Variants in LRP2 observed in about 807,000 individuals in gnomAD.
LRP2 encodes LDL receptor related protein 2.
In LRP2, 172 loss-of-function variants were observed where a neutral mutation model predicts 531.0. That is an observed-to-expected ratio of 0.32 (90% CI 0.29 to 0.37). The LOEUF is 0.37. LRP2 is among the 10% of genes least tolerant of loss of function. LRP2 has a pLI of 1.00. For synonymous variants in LRP2, 1,992 were observed against 2,027.6 expected, an observed-to-expected ratio of 0.98 and a Z score of 0.47; for missense variants, 5,167 against 5,868.3, an observed-to-expected ratio of 0.88 and a Z score of 3.90.
At chr2:169,343,242 A>G (rs1685611927) in intron 1 of LRP2, among the ~76,000 whole-genome samples, 1 of 152,222 alleles carries the variant, frequency 6.6e-6, no homozygotes, top group Admixed American at 6.5e-5. Flanking sequence ...TGTGCCTTCA[A>G]GACCTGGGAG....
chr2:169,362,189 G>C, intron 1 of LRP2, 132 bp downstream of exon 1: 1 of 709,876 alleles, frequency 1.4e-6, no homozygotes, highest in Non-Finnish European at 2.2e-6. Flanking sequence ...GCGCCCCACC[G>C]GGAGCAGCTC....
intron 3 of LRP2, among the ~76,000 whole-genome samples, chr2:169,310,924 T>C (rs955819276): frequency 2.0e-5 from 3 of 152,206 alleles, no homozygotes; most frequent in Admixed American, 1.3e-4. Context: ...CCTGGTTTAG[T>C]CTTGGGAGGG....
intron 3 of LRP2, 140 bp downstream of exon 3, chr2:169,318,622 T>C (rs1574252397): frequency 8.6e-7 from 1 of 1,159,194 alleles, no homozygotes; most frequent in African/African-American, 1.5e-5. Flanking sequence ...CTGAATGAGA[T>C]TGCTGGCATA....
intron 1 of LRP2, among the ~76,000 whole-genome samples, chr2:169,344,543 G>A (rs1685647840): frequency 6.6e-6 from 1 of 152,150 alleles, no homozygotes; most frequent in African/African-American, 2.4e-5. Context: ...CTTTACAAAT[G>A]AATGCAGTCA....
intron 13 of LRP2, 138 bp from the exon 14 acceptor site, chr2:169,275,376 AT>A: frequency 1.4e-6 from 1 of 708,940 alleles, no homozygotes; most frequent in Non-Finnish European, 2.5e-6. Flanking sequence ...GAAAAGATAC[AT>A]TTTAGATGTA....
intron 34 of LRP2, among the ~76,000 whole-genome samples, chr2:169,217,479 T>C (rs2300446): frequency 0.49 from 74,471 of 151,934 alleles, 19,066 homozygotes; most frequent in South Asian, 0.66. Flanking sequence ...ACCCTCCAGT[T>C]CTTCTACACC....
chr2:169,324,713 T>TTAAGA (rs1410044550), intron 1 of LRP2, among the ~76,000 whole-genome samples: 1 of 151,734 alleles, frequency 6.6e-6, no homozygotes, highest in African/African-American at 2.4e-5. Flanking sequence ...TAAGAATGTG[T>TTAAGA]TAAGATAAGA....
intron 8 of LRP2, among the ~76,000 whole-genome samples, 185 bp downstream of exon 8, chr2:169,290,660 G>A (rs768026718): frequency 7.2e-5 from 11 of 152,132 alleles, no homozygotes; most frequent in Non-Finnish European, 1.6e-4. Context: ...GCTGATACAG[G>A]CCAGAGGAAC....
intron 1 of LRP2, among the ~76,000 whole-genome samples, chr2:169,334,331 G>C (rs1685345097): frequency 6.6e-6 from 1 of 152,074 alleles, no homozygotes; most frequent in African/African-American, 2.4e-5. Context: ...AAAGCCATTT[G>C]CTTACTGGAG....
At chr2:169,257,924 A>G (rs1005436084) in intron 17 of LRP2, among the ~76,000 whole-genome samples, 1 of 152,014 alleles carries the variant, frequency 6.6e-6, no homozygotes, top group Non-Finnish European at 1.5e-5. Context: ...TCCAAAATGT[A>G]ACTTTCTGAA....
intron 71 of LRP2, among the ~76,000 whole-genome samples, chr2:169,141,829 G>C (rs1476735527): frequency 6.6e-6 from 1 of 152,212 alleles, no homozygotes; most frequent in African/African-American, 2.4e-5. Context: ...TGGGATGAGT[G>C]CAAGAGTAGG....
intron 29 of LRP2, among the ~76,000 whole-genome samples, chr2:169,234,599 C>T (rs1689534021): frequency 6.6e-6 from 1 of 152,074 alleles, no homozygotes; most frequent in African/African-American, 2.4e-5. Context: ...GTGCATGTGT[C>T]TTTATAGTAG....
chr2:169,145,642 G>T, intron 70 of LRP2, 105 bp downstream of exon 70: 1 of 1,120,292 alleles, frequency 8.9e-7, no homozygotes, highest in Non-Finnish European at 1.4e-6. Context: ...TGCACCAAGA[G>T]ATTAGCTTGT....
At position 169,169,811 on chromosome 2, in the gene LRP2, C is replaced by T. The variant is rs1397180419; in HGVS notation, c.11388G>A (p.Arg3796=). The T allele has an allele frequency of 2.5e-6, 4 of 1,607,884 alleles. No homozygotes were observed. The African/African-American group carries it at 5.4e-5, about 22-fold the overall frequency. ...DNSDERDCEM[R]TCHPEYFQCT... Reference sequence around the variant, plus strand: ...ACTGAAAATATTCAGGATGGCAGGTCCTCATCTCTGAAGAGAAAAGATTGT... The same window carrying T: ...ACTGAAAATATTCAGGATGGCAGGTTCTCATCTCTGAAGAGAAAAGATTGT... The change falls in exon 60 of 79, where the codon AGG becomes AGA. Residue 3796 remains arginine, a synonymous_variant. Coordinates refer to ENST00000649046, the MANE Select transcript of LRP2 (RefSeq NM_004525.3).
chr2:169,209,314 A>G, intron 38 of LRP2, 139 bp downstream of exon 38: 2 of 756,868 alleles, frequency 2.6e-6, no homozygotes, highest in Non-Finnish European at 2.4e-6. Context: ...AGCTTAATCT[A>G]GATTCAATGT....
In LRP2 at chr2:169,277,759, A is replaced by G. The variant is rs1020768650; in HGVS notation, c.1758T>C (p.Tyr586=). Reference sequence around the variant, plus strand: ...ATACTTCTTACCTTTGAATTCCATCATAAGTTACAGTTTCAATGTAATCAA... The same window carrying G: ...ATACTTCTTACCTTTGAATTCCATCGTAAGTTACAGTTTCAATGTAATCAA... ...SRFDYIETVT[Y]DGIQRKTVVH... Residue 586 remains tyrosine, a synonymous_variant, in exon 13 of 79, where the codon TAT becomes TAC. Transcript: ENST00000649046. The G allele has an allele frequency of 1.9e-6, 3 of 1,614,060 alleles. No homozygotes were observed. Among genetic ancestry groups the G allele is most frequent in the East Asian group, 4.5e-5 (2 of 44,874 alleles).
rs185909011 is a variant in LRP2 at position 169,312,736 on chromosome 2, T to G, written c.311-5339A>C. ...GTGGCATTCTCTGTATTTCCTGAAT[T>G]TGAGTGTTGGCCTGCCTTGCTAGGT... On this transcript the variant is annotated intron_variant, in intron 3 of 78. Coordinates refer to ENST00000649046, the MANE Select transcript of LRP2 (RefSeq NM_004525.3). Among the ~76,000 whole-genome samples, 397 of 152,330 alleles carry G rather than the reference T, an allele frequency of 2.6e-3. 2 individuals are homozygous for G. Among genetic ancestry groups the G allele is most frequent in the African/African-American group, 8.9e-3 (372 of 41,584 alleles).
chr2:169,297,978 C>T (rs1387384105), intron 4 of LRP2, among the ~76,000 whole-genome samples: 1 of 151,946 alleles, frequency 6.6e-6, no homozygotes, highest in Non-Finnish European at 1.5e-5. Flanking sequence ...GGGAAACACA[C>T]ACACACACAC....
intron 1 of LRP2, among the ~76,000 whole-genome samples, chr2:169,327,944 C>T (rs1224446185): frequency 9.4e-6 from 1 of 106,432 alleles, no homozygotes. Context: ...GGGGCGTCAG[C>T]CCCCCGCCCG....
Sources: allele counts gnomAD v4.1 joint callset (sites outside exome capture counted in the v4.1 genomes callset), GRCh38; gene constraint gnomAD v4.1.1; transcripts MANE v1.5; gene names NCBI Gene and HGNC (gene_info 2026-07-23, HGNC 2026-07-21).